Variants in GLIS3 observed in about 807,000 individuals in gnomAD.
GLIS3 encodes zinc finger protein GLIS3.
Under a neutral mutation model 78.6 loss-of-function variants are expected in GLIS3, and 53 were observed. That is an observed-to-expected ratio of 0.67 (90% confidence interval 0.54 to 0.85). GLIS3 has a LOEUF of 0.85. GLIS3 is among the 40% of genes least tolerant of loss of function. The pLI is 0.00. For synonymous variants in GLIS3, 684 were observed against 509.9 expected (o/e 1.34, Z -4.60); for missense variants, 1,703 against 1,231.1 (o/e 1.38, Z -5.74).
At chr9:4,161,125 T>C (rs1235414036) in intron 2 of GLIS3, among the ~76,000 whole-genome samples, 2 of 148,104 alleles carry the variant, frequency 1.4e-5, no homozygotes, top group African/African-American at 5.0e-5. Context: ...AAAGAAAAAA[T>C]TTTGTTAATT....
intron 2 of GLIS3, among the ~76,000 whole-genome samples, chr9:4,337,558 A>C (rs1435240982): frequency 6.6e-6 from 1 of 152,198 alleles, no homozygotes; most frequent in Non-Finnish European, 1.5e-5. Context: ...TCAAAAAAAT[A>C]TATCTAACAA....
chr9:3,983,631 G>T (rs921504191), intron 4 of GLIS3, among the ~76,000 whole-genome samples: 1 of 152,174 alleles, frequency 6.6e-6, no homozygotes, highest in African/African-American at 2.4e-5. Context: ...TGAGAAACTT[G>T]TTGGGAACTG....
intron 4 of GLIS3, among the ~76,000 whole-genome samples, chr9:4,023,165 A>G (rs1823026490): frequency 6.6e-6 from 1 of 152,328 alleles, no homozygotes; most frequent in Admixed American, 6.5e-5. Flanking sequence ...AAATATACTT[A>G]AAAATTTTTT....
intron 8 of GLIS3, among the ~76,000 whole-genome samples, chr9:3,866,272 A>ACAAACAGTG (rs1346131014): frequency 1.3e-5 from 2 of 152,160 alleles, no homozygotes; most frequent in Admixed American, 1.3e-4. Flanking sequence ...CAATTAGTAA[A>ACAAACAGTG]CAAACAGTGC....
At chr9:4,206,706 G>T (rs1381391522) in intron 2 of GLIS3, among the ~76,000 whole-genome samples, 1 of 152,152 alleles carries the variant, frequency 6.6e-6, no homozygotes, top group Non-Finnish European at 1.5e-5. Context: ...ATGATATACT[G>T]GTGAAAAATG....
chr9:3,891,986 C>CT (rs1430271776), intron 7 of GLIS3, among the ~76,000 whole-genome samples: 1 of 152,138 alleles, frequency 6.6e-6, no homozygotes, highest in African/African-American at 2.4e-5. Flanking sequence ...TGCAGCCACT[C>CT]ACTCCTAGAA....
intron 1 of GLIS3, among the ~76,000 whole-genome samples, chr9:4,297,955 G>GCGGAGA (rs1816711480): frequency 6.6e-6 from 1 of 152,120 alleles, no homozygotes; most frequent in Admixed American, 6.5e-5. Context: ...GGGTCCGGAG[G>GCGGAGA]CGGAGGCGAC....
intron 5 of GLIS3, among the ~76,000 whole-genome samples, chr9:3,934,703 C>G (rs1222098056): frequency 6.6e-6 from 1 of 152,166 alleles, no homozygotes; most frequent in Non-Finnish European, 1.5e-5. Context: ...GCCACCGTGC[C>G]CAGCCTTCTG....
intron 4 of GLIS3, among the ~76,000 whole-genome samples, chr9:3,964,516 TTAC>T (rs1240886881): frequency 6.6e-5 from 10 of 152,228 alleles, no homozygotes; most frequent in Non-Finnish European, 1.3e-4. Flanking sequence ...CTTTAATTAG[TTAC>T]TACATTTAAT....
the GLIS3 span, among the ~76,000 whole-genome samples, chr9:4,425,560 C>A: frequency 1.3e-5 from 2 of 152,256 alleles, no homozygotes; most frequent in African/African-American, 4.8e-5. Context: ...ATTCTCAAGA[C>A]TGCTTCCTTG....
At chr9:4,434,930 T>C in the GLIS3 span, among the ~76,000 whole-genome samples, 1 of 152,190 alleles carries the variant, frequency 6.6e-6, no homozygotes, top group Non-Finnish European at 1.5e-5. Context: ...CAATAAATTA[T>C]CACCTCACTG....
chr9:4,479,990 G>A, the GLIS3 span, among the ~76,000 whole-genome samples: 1 of 145,046 alleles, frequency 6.9e-6, no homozygotes, highest in Admixed American at 7.3e-5. Flanking sequence ...CCCGACCTCA[G>A]GTGATCCGCC....
intron 4 of GLIS3, among the ~76,000 whole-genome samples, chr9:4,053,635 TA>T (rs569983327): frequency 3.4e-3 from 326 of 96,252 alleles, no homozygotes; most frequent in Middle Eastern, 8.3e-3. Flanking sequence ...TGCTCAAGGC[TA>T]AAAAAAAAAA....
chr9:4,107,169 T>G (rs977550384), intron 4 of GLIS3, among the ~76,000 whole-genome samples: 12 of 152,210 alleles, frequency 7.9e-5, no homozygotes, highest in Non-Finnish European at 1.5e-4. Context: ...GATTGAAATG[T>G]GTTTTCTTTT....
intron 4 of GLIS3, among the ~76,000 whole-genome samples, chr9:4,074,837 C>A (rs1286732268): frequency 1.3e-5 from 2 of 152,210 alleles, no homozygotes; most frequent in African/African-American, 4.8e-5. Context: ...GGTCATTAGG[C>A]ATTTTTACCA....
At chr9:4,184,772 T>C (rs1346098106) in intron 2 of GLIS3, among the ~76,000 whole-genome samples, 1 of 152,178 alleles carries the variant, frequency 6.6e-6, no homozygotes, top group Admixed American at 6.5e-5. Flanking sequence ...ATATATTAAG[T>C]GCTTTTATGT....
At chr9:4,023,474 A>G (rs1823053009) in intron 4 of GLIS3, among the ~76,000 whole-genome samples, 1 of 152,232 alleles carries the variant, frequency 6.6e-6, no homozygotes, top group African/African-American at 2.4e-5. Flanking sequence ...GTTCCTAAAC[A>G]TATAAAGATT....
intron 2 of GLIS3, among the ~76,000 whole-genome samples, chr9:4,250,406 G>C (rs971655886): frequency 3.3e-5 from 5 of 152,166 alleles, no homozygotes; most frequent in African/African-American, 9.7e-5. Flanking sequence ...TTTGCAGAGA[G>C]GTGTTTATAG....
chr9:4,178,487 T>C (rs1298031950), intron 2 of GLIS3, among the ~76,000 whole-genome samples: 1 of 152,170 alleles, frequency 6.6e-6, no homozygotes, highest in Non-Finnish European at 1.5e-5. Flanking sequence ...GCTAGGAGCA[T>C]CCAATGTCTA....
Sources: gnomAD v4.1 joint callset for allele counts (sites outside exome capture counted in the v4.1 genomes callset) on GRCh38, gnomAD v4.1.1 for gene constraint, MANE v1.5 for transcripts, NCBI Gene and HGNC (gene_info 2026-07-23, HGNC 2026-07-21) for gene names.